MDN1: variants seen among roughly 807,000 people sequenced by gnomAD.
MDN1 encodes the protein midasin AAA ATPase 1.
MDN1 carries 266 observed loss-of-function variants against 669.2 expected under a neutral mutation model. The ratio of observed to expected loss-of-function variants is 0.40; its 90% CI spans 0.36 to 0.44. The LOEUF (loss-of-function observed/expected upper bound fraction) is 0.44, where lower values mean the gene tolerates loss of function less well. MDN1 is among the 20% of genes least tolerant of loss of function. MDN1 has a pLI of 1.00. For missense variants in MDN1, 5,940 were observed against 6,754.0 expected (o/e 0.88, Z 4.22); for synonymous variants, 2,385 against 2,457.1 (o/e 0.97, Z 0.87).
chr6:89,777,217 T>C (rs991949008), intron 11 of MDN1, among the ~76,000 whole-genome samples: 2 of 152,204 alleles, frequency 1.3e-5, no homozygotes, highest in African/African-American at 4.8e-5. Context: ...ACCCCAAATA[T>C]GTTAAACTTG....
rs1470856728 is a variant in MDN1, at chr6:89,814,713, A to T, written c.102+4793T>A. Reference sequence around the variant, plus strand: ...TGGCAGGATGCGAGGGCCTCCATGCACCGGAGATCTCTCCAGCACCAGGAG... The same window carrying T: ...TGGCAGGATGCGAGGGCCTCCATGCTCCGGAGATCTCTCCAGCACCAGGAG... On this transcript the variant is annotated intron_variant, in intron 1 of 101. Coordinates refer to ENST00000369393, the MANE Select transcript of MDN1 (RefSeq NM_014611.3). 3 of 305,524 alleles carry T rather than the reference A, an allele frequency of 9.8e-6. No individual in the cohort carries two copies. In the East Asian group the frequency reaches 2.7e-4, roughly 28 times the overall value. The allele number at this position is 305,524 out of a possible 1,614,324, so 18.9% of individuals were successfully genotyped here. A position where few individuals can be genotyped will look rare whatever the true frequency, so the allele number is the denominator to read the frequency against.
intron 2 of MDN1, among the ~76,000 whole-genome samples, chr6:89,800,750 A>T (rs1029815428): frequency 2.6e-5 from 4 of 152,110 alleles, no homozygotes; most frequent in African/African-American, 9.7e-5. Flanking sequence ...GATAACCTAG[A>T]CTTGAGATTG....
chr6:89,694,388 A>AT (rs1812581995), intron 61 of MDN1, among the ~76,000 whole-genome samples: 1 of 152,172 alleles, frequency 6.6e-6, no homozygotes, highest in African/African-American at 2.4e-5. Flanking sequence ...ACACCACTGA[A>AT]TTTTTTAGTC....
chr6:89,659,945 C>T (rs751414206), intron 88 of MDN1, among the ~76,000 whole-genome samples: 2 of 152,162 alleles, frequency 1.3e-5, no homozygotes, highest in South Asian at 2.1e-4. Flanking sequence ...TGGCATGCAG[C>T]GGTGCCATCT....
At chr6:89,812,984 A>C (rs1768540711) in intron 1 of MDN1, among the ~76,000 whole-genome samples, 1 of 151,398 alleles carries the variant, frequency 6.6e-6, no homozygotes, top group Admixed American at 6.6e-5. Context: ...GTTGTTGCCC[A>C]GGCTGGAGTG....
At chr6:89,693,980 G>A (rs1485282825) in intron 62 of MDN1, 94 bp downstream of exon 62, 3 of 950,788 alleles carry the variant, frequency 3.2e-6, no homozygotes, top group East Asian at 2.4e-5. Flanking sequence ...GTAGTTTAGA[G>A]GTGTATATTA....
At chr6:89,685,754 C>T in intron 70 of MDN1, 73 bp downstream of exon 70, 9 of 1,533,454 alleles carry the variant, frequency 5.9e-6, no homozygotes, top group Non-Finnish European at 7.9e-6. Flanking sequence ...AGGCACCTGT[C>T]TCATGCAGAG....
At chr6:89,720,589 T>C (rs1160349636) in intron 40 of MDN1, among the ~76,000 whole-genome samples, 1 of 152,124 alleles carries the variant, frequency 6.6e-6, no homozygotes, top group South Asian at 2.1e-4. Flanking sequence ...GGAAGAGTGA[T>C]GGAAAACTTC....
rs894588094 is a variant in MDN1 at position 89,714,464 on chromosome 6, T to C, written c.7069+79A>G. On this transcript the variant is annotated intron_variant, in intron 46 of 101. Transcript: ENST00000369393. ...TATATACACTAAATGTACGAAATCT[T>C]TGATGAGCAGTCCAATGGAATGACA... The C allele has an allele frequency of 3.3e-6, 4 of 1,230,246 alleles. No individual in the cohort carries two copies. The Admixed American group carries it at 7.1e-5, about 22-fold the overall frequency. 76.2% of individuals were successfully genotyped at this position (1,230,246 alleles called of 1,614,324 possible).
chr6:89,716,474 G>A (rs1007968821), intron 44 of MDN1, among the ~76,000 whole-genome samples, 176 bp downstream of exon 44: 1 of 152,240 alleles, frequency 6.6e-6, no homozygotes, highest in Non-Finnish European at 1.5e-5. Flanking sequence ...ATAACTGTCT[G>A]ATGACGAATT....
chr6:89,734,824 A>T (rs1815845650), intron 33 of MDN1, among the ~76,000 whole-genome samples: 1 of 151,898 alleles, frequency 6.6e-6, no homozygotes, highest in Non-Finnish European at 1.5e-5. Flanking sequence ...TCTAAGGAGA[A>T]CTATACAGTT....
intron 84 of MDN1, 108 bp from the exon 85 acceptor site, chr6:89,664,736 G>GAA: frequency 1.3e-6 from 1 of 787,180 alleles, no homozygotes; most frequent in Non-Finnish European, 1.9e-6. Context: ...TCTGGGAGAG[G>GAA]AAAAAAAAAG....
intron 12 of MDN1, among the ~76,000 whole-genome samples, chr6:89,775,866 T>G (rs536794500): frequency 2.0e-5 from 3 of 152,084 alleles, no homozygotes; most frequent in Non-Finnish European, 4.4e-5. Flanking sequence ...ATTGTATTTT[T>G]TTAGTAAAGA....
chr6:89,803,584 C>A lies in MDN1; in HGVS notation c.103-30G>T, dbSNP rs1052574801. 5.4e-6 allele frequency: 7 copies of A among 1,287,406 alleles called. No individual in the cohort carries two copies. In the East Asian group the frequency reaches 1.5e-4, roughly 27 times the overall value. 79.7% of individuals were successfully genotyped at this position (1,287,406 alleles called of 1,614,324 possible). A position where few individuals can be genotyped will look rare whatever the true frequency, so the allele number is the denominator to read the frequency against. ...GAAAGGCAAAACAAAACATCTTTCA[C>A]TTTTTTTTTTTTTTTGAGACACAGT... On this transcript the variant is annotated intron_variant, in intron 1 of 101. Coordinates refer to ENST00000369393, the MANE Select transcript of MDN1 (RefSeq NM_014611.3).
At chr6:89,686,754 C>T in intron 69 of MDN1, 148 bp downstream of exon 69, 2 of 1,084,022 alleles carry the variant, frequency 1.8e-6, no homozygotes, top group South Asian at 3.2e-5. Flanking sequence ...CTTGGCTGAC[C>T]TCTCAGAAAT....
At chr6:89,797,420 T>C (rs1398996909) in intron 2 of MDN1, among the ~76,000 whole-genome samples, 2 of 147,158 alleles carry the variant, frequency 1.4e-5, no homozygotes, top group African/African-American at 5.0e-5. Context: ...TGTGTACAAA[T>C]GCTCAAAAAT....
intron 50 of MDN1, 40 bp downstream of exon 50, chr6:89,710,641 T>C: frequency 8.2e-7 from 1 of 1,213,170 alleles, no homozygotes; most frequent in Non-Finnish European, 1.1e-6. Flanking sequence ...AAGATAAGTT[T>C]CCAAAACAGT....
Position 89,803,179 on chromosome 6 carries a change from G to C in MDN1, c.329+149C>G, listed in dbSNP as rs980028676. The C allele has an allele frequency of 5.6e-6, 4 of 711,704 alleles. No individual in the cohort carries two copies. In the African/African-American group the frequency reaches 7.1e-5, roughly 13 times the overall value. 44.1% of individuals were successfully genotyped at this position (711,704 alleles called of 1,614,324 possible). On this transcript the variant is annotated intron_variant, in intron 2 of 101. Transcript: ENST00000369393. Reference sequence around the variant, plus strand: ...GAACTGAGCTGGATAAATGGATTCTGCTGTGACTCTTTTTATAAAACAATA... The same window carrying C: ...GAACTGAGCTGGATAAATGGATTCTCCTGTGACTCTTTTTATAAAACAATA...
At chr6:89,659,618 T>A (rs913398166) in intron 88 of MDN1, among the ~76,000 whole-genome samples, 2 of 152,034 alleles carry the variant, frequency 1.3e-5, no homozygotes, top group Non-Finnish European at 2.9e-5. Context: ...CATTAAAAAA[T>A]AATAGCTAAT....
Sources: allele counts gnomAD v4.1 joint callset (sites outside exome capture counted in the v4.1 genomes callset), GRCh38; gene constraint gnomAD v4.1.1; transcripts MANE v1.5; gene names NCBI Gene and HGNC (gene_info 2026-07-23, HGNC 2026-07-21).